CCDC66: variants seen among roughly 807,000 people sequenced by gnomAD.
The protein encoded by CCDC66 is coiled-coil domain containing 66.
CCDC66 carries 133 observed loss-of-function variants against 128.3 expected under a neutral mutation model. That is an observed-to-expected ratio of 1.04 (90% CI 0.90 to 1.20). The LOEUF (loss-of-function observed/expected upper bound fraction) is 1.20, where lower values mean the gene tolerates loss of function less well. Among genes scored for constraint, CCDC66 ranks in the 50% most tolerant of loss-of-function variants. The pLI, the probability that CCDC66 is intolerant of heterozygous loss-of-function variation, is 0.00. For synonymous variants in CCDC66, 387 were observed against 357.0 expected (o/e 1.08, Z -0.95); for missense variants, 1,126 against 1,075.5 (o/e 1.05, Z -0.66).
chr3:56,618,404 C>CT, intron 15 of CCDC66, 192 bp downstream of exon 15: 1 of 533,794 alleles, frequency 1.9e-6, no homozygotes, highest in Non-Finnish European at 3.3e-6. Context: ...CCAAGTTGGA[C>CT]TGGGCCTAGG....
intron 13 of CCDC66, 83 bp downstream of exon 13, chr3:56,616,136 G>C (rs2075471712): frequency 7.6e-7 from 1 of 1,318,566 alleles, no homozygotes; most frequent in Admixed American, 2.5e-5. Flanking sequence ...CAATTTAAAA[G>C]TTCAAAAATT....
intron 8 of CCDC66, 148 bp downstream of exon 8, chr3:56,593,249 C>T (rs1307758191): frequency 3.8e-6 from 3 of 791,264 alleles, no homozygotes; most frequent in African/African-American, 1.7e-5. Context: ...TCATTGAATG[C>T]ATTATGTGAT....
At chr3:56,567,965 C>T (rs1483598127) in intron 6 of CCDC66, among the ~76,000 whole-genome samples, 2 of 152,196 alleles carry the variant, frequency 1.3e-5, no homozygotes, top group Non-Finnish European at 1.5e-5. Context: ...GCTAGGATTA[C>T]AGGCGTGAGC....
At chr3:56,559,415 A>T (rs2064803675) in intron 2 of CCDC66, among the ~76,000 whole-genome samples, 154 bp from the exon 3 acceptor site, 1 of 152,198 alleles carries the variant, frequency 6.6e-6, no homozygotes, top group Admixed American at 6.5e-5. Flanking sequence ...GAACTGGATT[A>T]GAAAAAAATA....
intron 10 of CCDC66, among the ~76,000 whole-genome samples, chr3:56,609,368 C>T (rs2074485676): frequency 6.6e-6 from 1 of 152,116 alleles, no homozygotes; most frequent in African/African-American, 2.4e-5. Flanking sequence ...CTCTTTTAAC[C>T]ACTGTTGCTT....
chr3:56,603,144 A>C (rs890280713), intron 10 of CCDC66, among the ~76,000 whole-genome samples: 1 of 151,618 alleles, frequency 6.6e-6, no homozygotes, highest in African/African-American at 2.4e-5. Context: ...CCCCTTTATC[A>C]TTTTTTATTG....
chr3:56,621,024 C>G (rs961708576), intron 17 of CCDC66: 1 of 121,648 alleles, frequency 8.2e-6, no homozygotes, highest in African/African-American at 3.7e-5. Context: ...GTTAGCCAGG[C>G]GTGGTGGTGG....
chr3:56,594,933 A>G (rs576812665), intron 10 of CCDC66, among the ~76,000 whole-genome samples: 40 of 152,220 alleles, frequency 2.6e-4, no homozygotes, highest in Middle Eastern at 6.8e-3. Context: ...TTTTAATACC[A>G]TTTCCTCCAG....
At chr3:56,614,551 G>A (rs2075263211) in intron 11 of CCDC66, among the ~76,000 whole-genome samples, 1 of 152,200 alleles carries the variant, frequency 6.6e-6, no homozygotes. Flanking sequence ...AAGTGGTGCA[G>A]ACAAGATAGG....
intron 10 of CCDC66, among the ~76,000 whole-genome samples, chr3:56,596,056 A>C (rs2071847337): frequency 6.6e-6 from 1 of 152,122 alleles, no homozygotes; most frequent in Non-Finnish European, 1.5e-5. Flanking sequence ...CTGATATTAC[A>C]AGCATGCGCC....
chr3:56,594,532 A>C (rs1577697104), intron 10 of CCDC66, among the ~76,000 whole-genome samples: 1 of 152,064 alleles, frequency 6.6e-6, no homozygotes, highest in African/African-American at 2.4e-5. Flanking sequence ...AATACAAAAA[A>C]TTAGCTGGGC....
intron 16 of CCDC66, 21 bp from the exon 17 acceptor site, chr3:56,619,756 G>A: frequency 2.5e-6 from 4 of 1,612,196 alleles, no homozygotes; most frequent in Non-Finnish European, 3.4e-6. Context: ...TGACTGACTT[G>A]TTACTTTCAT....
At chr3:56,564,963 T>C (rs1347372810) in intron 4 of CCDC66, among the ~76,000 whole-genome samples, 6 of 152,206 alleles carry the variant, frequency 3.9e-5, no homozygotes, top group African/African-American at 1.2e-4. Context: ...ACCTGCTTAT[T>C]AGGCATAACG....
chr3:56,611,195 C>T (rs2074751087), intron 10 of CCDC66, among the ~76,000 whole-genome samples: 1 of 151,752 alleles, frequency 6.6e-6, no homozygotes, highest in Middle Eastern at 3.2e-3. Flanking sequence ...CAGGTGGGGG[C>T]GGGGCTAGGT....
At chr3:56,571,401 G>A in intron 7 of CCDC66, 99 bp downstream of exon 7, 1 of 821,470 alleles carries the variant, frequency 1.2e-6, no homozygotes, top group Non-Finnish European at 1.8e-6. Flanking sequence ...TTTTTTTTGA[G>A]ACGGAGTTTC....
At chr3:56,615,864 C>T in intron 12 of CCDC66, 58 bp from the exon 13 acceptor site, 2 of 1,426,802 alleles carry the variant, frequency 1.4e-6, no homozygotes, top group South Asian at 2.5e-5. Flanking sequence ...TGCTGCTATA[C>T]ATAATTTTTA....
chr3:56,560,822 C>T (rs1345571780), intron 3 of CCDC66: 2 of 439,422 alleles, frequency 4.6e-6, no homozygotes, highest in African/African-American at 4.1e-5. Flanking sequence ...AATTTCTCTT[C>T]TCTTCCATAA....
chr3:56,558,478 A>G (rs2064668473), intron 1 of CCDC66, among the ~76,000 whole-genome samples: 1 of 152,254 alleles, frequency 6.6e-6, no homozygotes, highest in Non-Finnish European at 1.5e-5. Context: ...TGAGTTCATT[A>G]TGAAACTAAT....
At position 56,617,566 on chromosome 3, in the gene CCDC66, A is replaced by G; in HGVS notation, c.2298A>G (p.Gln766=). 6.2e-7 allele frequency: 1 copy of G among 1,608,378 alleles called. No homozygotes were observed. Residue 766 remains glutamine (Q), a synonymous_variant, in exon 14 of 18, where the codon CAA becomes CAG. Transcript: ENST00000394672. The part of the protein sequence containing the change: ...ISPEIFHSSH[Q]ETESKLRWHL... ...CAGAAATTTTTCATTCATCTCATCA[A>G]GAAACGGAGTCAAAGTTGAGGTGGC...
Sources: allele counts gnomAD v4.1 joint callset (sites outside exome capture counted in the v4.1 genomes callset), GRCh38; gene constraint gnomAD v4.1.1; transcripts MANE v1.5; gene names NCBI Gene and HGNC (gene_info 2026-07-23, HGNC 2026-07-21).